Variants in SLC35F3 observed in about 807,000 individuals in gnomAD.
The protein encoded by SLC35F3 is solute carrier family 35 member F3.
Under a neutral mutation model 49.9 loss-of-function variants are expected in SLC35F3, and 25 were observed. That is an observed-to-expected ratio of 0.50 (90% confidence interval 0.37 to 0.70). SLC35F3 has a LOEUF of 0.70. Ranked by LOEUF, SLC35F3 falls within the 30% of genes least tolerant of loss-of-function variation. The pLI, the probability that SLC35F3 is intolerant of heterozygous loss-of-function variation, is 0.00. For missense variants in SLC35F3, 525 were observed against 639.8 expected, an observed-to-expected ratio of 0.82 and a Z score of 1.94; for synonymous variants, 275 against 265.4, an observed-to-expected ratio of 1.04 and a Z score of -0.35.
intron 2 of SLC35F3, among the ~76,000 whole-genome samples, chr1:234,169,621 C>T (rs1202238250): frequency 1.3e-5 from 2 of 152,172 alleles, no homozygotes; most frequent in Non-Finnish European, 1.5e-5. Context: ...AGCTCCACTA[C>T]GGGAGGAGGT....
intron 2 of SLC35F3, among the ~76,000 whole-genome samples, chr1:234,124,774 G>A (rs2102895113): frequency 6.6e-6 from 1 of 152,302 alleles, no homozygotes; most frequent in Middle Eastern, 3.4e-3. Context: ...AAGCTGAGGT[G>A]GGAGGATCAC....
chr1:234,096,085 G>T (rs1665113029), intron 2 of SLC35F3, among the ~76,000 whole-genome samples: 1 of 152,180 alleles, frequency 6.6e-6, no homozygotes, highest in African/African-American at 2.4e-5. Context: ...ATCAAAGCAG[G>T]CTTTCAAGCA....
intron 2 of SLC35F3, among the ~76,000 whole-genome samples, chr1:234,167,581 A>G (rs73108441): frequency 6.6e-6 from 1 of 152,140 alleles, no homozygotes; most frequent in Non-Finnish European, 1.5e-5. Context: ...GAGTCTTACC[A>G]CAACAGAGCA....
intron 4 of SLC35F3, among the ~76,000 whole-genome samples, chr1:234,313,418 C>T (rs1488616807): frequency 1.3e-5 from 2 of 152,150 alleles, no homozygotes; most frequent in Non-Finnish European, 2.9e-5. Flanking sequence ...CAGGTTATGA[C>T]AGTGGGTCAC....
chr1:234,260,403 G>A (rs1484756508), intron 3 of SLC35F3, among the ~76,000 whole-genome samples: 1 of 152,176 alleles, frequency 6.6e-6, no homozygotes, highest in African/African-American at 2.4e-5. Flanking sequence ...ATTTCACATT[G>A]TAGTTCAGAA....
intron 2 of SLC35F3, among the ~76,000 whole-genome samples, chr1:234,009,409 T>A (rs1427577005): frequency 6.6e-6 from 1 of 152,206 alleles, no homozygotes; most frequent in Non-Finnish European, 1.5e-5. Flanking sequence ...TGTTCCCACA[T>A]CAACTAGAAG....
At chr1:234,093,400 C>T (rs1665071403) in intron 2 of SLC35F3, among the ~76,000 whole-genome samples, 1 of 152,232 alleles carries the variant, frequency 6.6e-6, no homozygotes, top group African/African-American at 2.4e-5. Flanking sequence ...TCACAGTAAC[C>T]TAGTCCTCAC....
At chr1:234,017,586 T>C (rs889262928) in intron 2 of SLC35F3, among the ~76,000 whole-genome samples, 2 of 149,822 alleles carry the variant, frequency 1.3e-5, no homozygotes, top group African/African-American at 4.9e-5. Flanking sequence ...CAGTGGCGGG[T>C]GCCTGTAGTC....
chr1:234,045,532 A>G (rs1352891456), intron 2 of SLC35F3, among the ~76,000 whole-genome samples: 1 of 152,196 alleles, frequency 6.6e-6, no homozygotes, highest in Non-Finnish European at 1.5e-5. Context: ...TCACACAGCT[A>G]TGAAGTGCAA....
chr1:234,171,565 A>G (rs1251126913), intron 2 of SLC35F3, among the ~76,000 whole-genome samples: 1 of 152,182 alleles, frequency 6.6e-6, no homozygotes. Context: ...GAGCCTGAGA[A>G]ATTGCAGCTT....
At chr1:233,969,063 G>GC (rs1313449269) in intron 2 of SLC35F3, among the ~76,000 whole-genome samples, 1 of 150,492 alleles carries the variant, frequency 6.6e-6, no homozygotes, top group Non-Finnish European at 1.5e-5. Flanking sequence ...CATATTTTGG[G>GC]GGGGGGGACA....
At chr1:234,198,899 A>T (rs969233601) in intron 2 of SLC35F3, among the ~76,000 whole-genome samples, 2 of 152,142 alleles carry the variant, frequency 1.3e-5, no homozygotes, top group African/African-American at 2.4e-5. Flanking sequence ...CTAATTTCAA[A>T]ATATATTATA....
At chr1:234,210,036 A>G (rs1667027344) in intron 2 of SLC35F3, among the ~76,000 whole-genome samples, 1 of 152,110 alleles carries the variant, frequency 6.6e-6, no homozygotes, top group Non-Finnish European at 1.5e-5. Flanking sequence ...ACTGGGAGGT[A>G]ATTGAATCAT....
chr1:234,153,547 G>A (rs1239144415), intron 2 of SLC35F3, among the ~76,000 whole-genome samples: 1 of 152,188 alleles, frequency 6.6e-6, no homozygotes, highest in East Asian at 1.9e-4. Flanking sequence ...AGTATTAGGG[G>A]TGTTATTCAG....
Position 234,280,667 on chromosome 1 carries a change from A to G in SLC35F3, c.609-28434A>G, listed in dbSNP as rs1391622781. 2.6e-5 allele frequency among the ~76,000 whole-genome samples: 4 copies of G among 152,346 alleles called. No individual in the cohort carries two copies. The East Asian group carries it at 7.7e-4, about 29-fold the overall frequency. ...AGACAGTCTTTACATGTCATTATGA[A>G]GAGCCACATTTCTCAGCACTCACCA... On this transcript the variant is annotated intron_variant, in intron 3 of 7. Transcript: ENST00000366618.
intron 2 of SLC35F3, among the ~76,000 whole-genome samples, chr1:234,003,021 A>T (rs189763866): frequency 2.4e-4 from 36 of 149,672 alleles, no homozygotes; most frequent in Non-Finnish European, 3.7e-4. Context: ...TTTTGTTTTG[A>T]GCACTTTCTT....
intron 2 of SLC35F3, among the ~76,000 whole-genome samples, chr1:234,032,216 C>T (rs1465747881): frequency 6.6e-6 from 1 of 151,976 alleles, no homozygotes; most frequent in East Asian, 1.9e-4. Flanking sequence ...CATCTAGTCT[C>T]CAGTTCATTT....
chr1:234,026,478 T>C (rs188527204), intron 2 of SLC35F3, among the ~76,000 whole-genome samples: 6 of 152,360 alleles, frequency 3.9e-5, no homozygotes, highest in Admixed American at 3.3e-4. Flanking sequence ...CAAAGGCCTT[T>C]ATACAGTTTA....
At chr1:233,949,729 G>T (rs753067855) in intron 2 of SLC35F3, among the ~76,000 whole-genome samples, 4 of 152,148 alleles carry the variant, frequency 2.6e-5, no homozygotes, top group Non-Finnish European at 5.9e-5. Context: ...CCCGAGTGAG[G>T]CTCTGACAGA....
Sources: allele counts gnomAD v4.1 joint callset (sites outside exome capture counted in the v4.1 genomes callset), GRCh38; gene constraint gnomAD v4.1.1; transcripts MANE v1.5; gene names NCBI Gene and HGNC (gene_info 2026-07-23, HGNC 2026-07-21).